The following BTBD7 variants were observed in gnomAD, a reference collection of about 807,000 sequenced individuals.
BTBD7 encodes the protein BTB/POZ domain-containing protein 7.
BTBD7 carries 38 observed loss-of-function variants against 99.9 expected under a neutral mutation model. The observed-to-expected ratio is 0.38, with a 90% CI of 0.29 to 0.50. The LOEUF is 0.50. Among genes scored for constraint, BTBD7 ranks in the 20% least tolerant of loss-of-function variants. The probability of loss-of-function intolerance (pLI) is 0.93; values close to 1 mark genes in which losing one functional copy is unlikely to be tolerated. For missense variants in BTBD7, 1,170 were observed against 1,394.6 expected (o/e 0.84, Z 2.57); for synonymous variants, 520 against 511.4 (o/e 1.02, Z -0.23).
At chr14:93,301,117 G>A (rs2052999432) in intron 1 of BTBD7, among the ~76,000 whole-genome samples, 1 of 152,078 alleles carries the variant, frequency 6.6e-6, no homozygotes, top group Non-Finnish European at 1.5e-5. Flanking sequence ...TGCTTTGGGA[G>A]ACTGAGGCAG....
chr14:93,244,132 A>G, intron 10 of BTBD7: 1 of 483,364 alleles, frequency 2.1e-6, no homozygotes, highest in East Asian at 6.0e-5. Context: ...GCAGCATGAC[A>G]GGAAGCAGAG....
At chr14:93,258,360 T>C (rs1166686070) in intron 5 of BTBD7, among the ~76,000 whole-genome samples, 1 of 152,186 alleles carries the variant, frequency 6.6e-6, no homozygotes, top group African/African-American at 2.4e-5. Context: ...TTCATACTTA[T>C]TTAAGGCATT....
intron 3 of BTBD7, chr14:93,288,878 G>C: frequency 1.0e-6 from 1 of 978,684 alleles, no homozygotes; most frequent in South Asian, 1.8e-5. Flanking sequence ...ATTACAGCAG[G>C]GGTTAAGGAA....
chr14:93,324,915 T>C (rs959858736), intron 1 of BTBD7, among the ~76,000 whole-genome samples: 1 of 151,950 alleles, frequency 6.6e-6, no homozygotes, highest in African/African-American at 2.4e-5. Context: ...GCTAACAGAA[T>C]AGGCAAAGAA....
In BTBD7 at chr14:93,331,149, T is replaced by A. The variant is rs554052683; in HGVS notation, c.-107+1671A>T. ...CAGTTACTTGAAGTAGCTGTCAGAA[T>A]GAGACAGAGGCTCTCATTTTCGCTT... is the stretch of plus-strand genomic sequence containing the variant. On this transcript the variant is annotated intron_variant, in intron 1 of 10. Coordinates refer to ENST00000334746, the MANE Select transcript of BTBD7 (RefSeq NM_001002860.4). 2.6e-5 allele frequency among the ~76,000 whole-genome samples: 4 copies of A among 152,252 alleles called. No individual in the cohort carries two copies. The South Asian group carries it at 6.2e-4, about 24-fold the overall frequency.
intron 3 of BTBD7, among the ~76,000 whole-genome samples, chr14:93,286,363 G>GA (rs2052776887): frequency 6.6e-6 from 1 of 152,186 alleles, no homozygotes; most frequent in Non-Finnish European, 1.5e-5. Context: ...AACAATGGCT[G>GA]AAACAGTACA....
chr14:93,295,896 T>C (rs1055956960), intron 2 of BTBD7, 74 bp downstream of exon 2: 4 of 1,390,708 alleles, frequency 2.9e-6, no homozygotes, highest in Admixed American at 1.8e-5. Flanking sequence ...TCTTTTGTCA[T>C]CTACAGAGAC....
At chr14:93,316,755 G>A (rs1028439900) in intron 1 of BTBD7, among the ~76,000 whole-genome samples, 1 of 152,216 alleles carries the variant, frequency 6.6e-6, no homozygotes, top group African/African-American at 2.4e-5. Flanking sequence ...TAATTGAGCA[G>A]AGATGGAGGG....
chr14:93,276,038 G>T (rs1323719300), intron 3 of BTBD7, among the ~76,000 whole-genome samples: 1 of 151,942 alleles, frequency 6.6e-6, no homozygotes, highest in Non-Finnish European at 1.5e-5. Flanking sequence ...AACACAGTGA[G>T]ACCCTGTCTC....
At chr14:93,273,765 C>T (rs1405051023) in intron 3 of BTBD7, among the ~76,000 whole-genome samples, 2 of 152,192 alleles carry the variant, frequency 1.3e-5, no homozygotes, top group Non-Finnish European at 2.9e-5. Flanking sequence ...TCACTACCTC[C>T]AAACCAATAA....
chr14:93,242,087 A>T lies in BTBD7; in HGVS notation c.*186T>A. The T allele has an allele frequency of 3.3e-6, 1 of 307,564 alleles. No homozygotes were observed. Among genetic ancestry groups the T allele is most frequent in the Admixed American group, 5.3e-5 (1 of 18,756 alleles). The allele number at this position is 307,564 out of a possible 1,614,324, so 19.1% of individuals were successfully genotyped here. On this transcript the variant is annotated 3_prime_UTR_variant, in exon 11 of 11. Transcript: ENST00000334746. The stretch of plus-strand genomic sequence containing the variant: ...AGACAAATTAGACAGATGCAACATT[A>T]AAAAAAAAAAACAAAACCTTCTTAG...
At chr14:93,274,542 T>C (rs1266885489) in intron 3 of BTBD7, among the ~76,000 whole-genome samples, 1 of 152,188 alleles carries the variant, frequency 6.6e-6, no homozygotes, top group Non-Finnish European at 1.5e-5. Context: ...TGGAAGACAA[T>C]CCTGAAGTAC....
chr14:93,324,315 C>A (rs1171973140), intron 1 of BTBD7, among the ~76,000 whole-genome samples: 1 of 151,698 alleles, frequency 6.6e-6, no homozygotes, highest in Non-Finnish European at 1.5e-5. Flanking sequence ...GGCTACTTCT[C>A]AGAAGCCTGA....
chr14:93,255,219 C>T (rs2139691732), intron 6 of BTBD7, among the ~76,000 whole-genome samples: 1 of 152,286 alleles, frequency 6.6e-6, no homozygotes, highest in African/African-American at 2.4e-5. Flanking sequence ...GATCTTGGCT[C>T]ACTGCAACCT....
chr14:93,251,958 T>C (rs2052372248), intron 7 of BTBD7, among the ~76,000 whole-genome samples: 1 of 152,112 alleles, frequency 6.6e-6, no homozygotes, highest in East Asian at 1.9e-4. Flanking sequence ...AATAAAACAA[T>C]GTATACATGT....
intron 3 of BTBD7, among the ~76,000 whole-genome samples, chr14:93,286,953 C>T (rs1036125810): frequency 4.0e-5 from 6 of 151,556 alleles, no homozygotes; most frequent in Admixed American, 2.6e-4. Flanking sequence ...AAAGTTAATT[C>T]TGGGCCAGGC....
At chr14:93,254,696 G>T (rs181720331) in intron 6 of BTBD7, among the ~76,000 whole-genome samples, 1 of 152,206 alleles carries the variant, frequency 6.6e-6, no homozygotes, top group Non-Finnish European at 1.5e-5. Context: ...TTTCCTGACT[G>T]ATGCCAGGAG....
chr14:93,294,043 G>T lies in BTBD7; in HGVS notation c.977C>A (p.Thr326Lys). 2 of 1,614,008 alleles carry T rather than the reference G, an allele frequency of 1.2e-6. No homozygotes were observed. The highest frequency in any genetic ancestry group is 1.7e-6 in the Non-Finnish European group (2 of 1,179,906). ...DESIIPKKYA[T>K]VILHCMYTDV... ...GGTATACATACAGTGTAATATCACTGTTGCATATTTTTTTGGTATAATGGA... is the reference window on the plus strand; with the variant it reads ...GGTATACATACAGTGTAATATCACTTTTGCATATTTTTTTGGTATAATGGA... Residue 326 changes from threonine to lysine, a missense_variant, in exon 3 of 11, where the codon ACA (threonine) becomes AAA (lysine). Thr to Lys is a moderately conservative substitution (Grantham distance 78, BLOSUM62 -1). Transcript: ENST00000334746.
intron 1 of BTBD7, among the ~76,000 whole-genome samples, chr14:93,329,416 T>C (rs528465316): frequency 3.9e-5 from 6 of 152,062 alleles, no homozygotes; most frequent in Non-Finnish European, 8.8e-5. Context: ...GGAACCCTTG[T>C]GCACTGCTGG....
Sources: gnomAD v4.1 joint callset for allele counts (sites outside exome capture counted in the v4.1 genomes callset) on GRCh38, gnomAD v4.1.1 for gene constraint, MANE v1.5 for transcripts, NCBI Gene and HGNC (gene_info 2026-07-23, HGNC 2026-07-21) for gene names.